Variants in NCAM2 observed in about 807,000 individuals in gnomAD.
The protein encoded by NCAM2 is neural cell adhesion molecule 2.
A neutral mutation model predicts 98.1 loss-of-function variants in NCAM2; 30 were observed. The ratio of observed to expected loss-of-function variants is 0.31; its 90% CI spans 0.23 to 0.41. NCAM2 has a LOEUF of 0.41. Among genes scored for constraint, NCAM2 ranks in the 10% least tolerant of loss-of-function variants. The pLI is 1.00. For synonymous variants in NCAM2, 368 were observed against 342.4 expected (o/e 1.07, Z -0.83); for missense variants, 867 against 1,005.8 (o/e 0.86, Z 1.87).
intron 1 of NCAM2, among the ~76,000 whole-genome samples, chr21:21,064,839 C>T (rs1001300548): frequency 3.9e-5 from 6 of 152,062 alleles, no homozygotes; most frequent in Admixed American, 2.6e-4. Context: ...ACTTGATCAA[C>T]GGGCAACATG....
At chr21:21,382,057 A>G (rs975489399) in intron 9 of NCAM2, among the ~76,000 whole-genome samples, 28 of 152,170 alleles carry the variant, frequency 1.8e-4, no homozygotes, top group African/African-American at 6.5e-4. Context: ...AGAAAGCCAT[A>G]TAAATTGACC....
chr21:21,093,757 C>T (rs1415751238), intron 1 of NCAM2, among the ~76,000 whole-genome samples: 1 of 151,932 alleles, frequency 6.6e-6, no homozygotes, highest in Non-Finnish European at 1.5e-5. Flanking sequence ...TCTGCAGTGC[C>T]TCATTTCTGC....
intron 15 of NCAM2, among the ~76,000 whole-genome samples, chr21:21,503,480 G>C (rs199726245): frequency 6.6e-6 from 1 of 151,908 alleles, no homozygotes; most frequent in South Asian, 2.1e-4. Context: ...TCACAACAGA[G>C]AGGAATAGCA....
intron 1 of NCAM2, among the ~76,000 whole-genome samples, chr21:21,101,700 C>T (rs1391347039): frequency 6.6e-6 from 1 of 151,996 alleles, no homozygotes. Flanking sequence ...AGGTCACAGT[C>T]ATGTGTTCTT....
intron 16 of NCAM2, among the ~76,000 whole-genome samples, chr21:21,533,442 A>G (rs1989819634): frequency 6.6e-6 from 1 of 151,860 alleles, no homozygotes; most frequent in South Asian, 2.1e-4. Context: ...ATATATTTTC[A>G]TGGTAGTTAG....
intron 1 of NCAM2, among the ~76,000 whole-genome samples, chr21:21,206,053 T>C (rs1363230379): frequency 1.3e-5 from 2 of 152,176 alleles, no homozygotes; most frequent in Non-Finnish European, 2.9e-5. Flanking sequence ...GCAGTACTCT[T>C]AGCAACTTAT....
chr21:21,535,878 G>A (rs973160795), intron 17 of NCAM2, among the ~76,000 whole-genome samples: 12 of 151,986 alleles, frequency 7.9e-5, no homozygotes, highest in South Asian at 2.1e-4. Context: ...TTACCTATAC[G>A]TAAGTGGTGA....
chr21:21,413,113 T>C (rs1382841589), intron 10 of NCAM2, among the ~76,000 whole-genome samples: 1 of 152,188 alleles, frequency 6.6e-6, no homozygotes, highest in Non-Finnish European at 1.5e-5. Context: ...AATGCCTCTG[T>C]AATCTGTAAA....
At chr21:21,072,856 G>A (rs2065600954) in intron 1 of NCAM2, among the ~76,000 whole-genome samples, 1 of 152,028 alleles carries the variant, frequency 6.6e-6, no homozygotes, top group Non-Finnish European at 1.5e-5. Flanking sequence ...TAGGCATTTT[G>A]AAGTGTGTAG....
chr21:21,409,644 C>T (rs2076816384), intron 9 of NCAM2, among the ~76,000 whole-genome samples: 1 of 152,144 alleles, frequency 6.6e-6, no homozygotes, highest in African/African-American at 2.4e-5. Flanking sequence ...AGTAGATAGT[C>T]ATTAACATAG....
intron 16 of NCAM2, among the ~76,000 whole-genome samples, chr21:21,530,365 T>C (rs1423659142): frequency 6.8e-6 from 1 of 146,092 alleles, no homozygotes; most frequent in Admixed American, 6.9e-5. Context: ...ATAATTTGAT[T>C]ACATTAAATT....
intron 11 of NCAM2, among the ~76,000 whole-genome samples, chr21:21,425,976 A>G (rs533501312): frequency 8.8e-4 from 134 of 152,274 alleles, no homozygotes; most frequent in Non-Finnish European, 1.2e-3. Flanking sequence ...AGGCACCATC[A>G]GATTTGGTTT....
At chr21:21,190,804 A>G (rs2068796254) in intron 1 of NCAM2, among the ~76,000 whole-genome samples, 1 of 152,204 alleles carries the variant, frequency 6.6e-6, no homozygotes, top group African/African-American at 2.4e-5. Flanking sequence ...GAGTCTAAGA[A>G]TAGCATGTAC....
At chr21:21,322,353 A>G in intron 5 of NCAM2, among the ~76,000 whole-genome samples, 1 of 152,080 alleles carries the variant, frequency 6.6e-6, no homozygotes, top group East Asian at 1.9e-4. Flanking sequence ...ATTGGGTATC[A>G]TGCTAACTAT....
chr21:21,487,579 G>T (rs1346541059), intron 15 of NCAM2, among the ~76,000 whole-genome samples: 45 of 152,034 alleles, frequency 3.0e-4, no homozygotes, highest in Admixed American at 3.0e-3. Context: ...CGTATTACCA[G>T]TTATGAAGCT....
intron 1 of NCAM2, among the ~76,000 whole-genome samples, chr21:21,248,082 T>G (rs1372626025): frequency 2.0e-5 from 3 of 151,710 alleles, no homozygotes; most frequent in African/African-American, 7.3e-5. Context: ...ACAATAATAT[T>G]ATATAAGTAT....
chr21:21,047,526 A>G (rs2065026627), intron 1 of NCAM2, among the ~76,000 whole-genome samples: 1 of 152,218 alleles, frequency 6.6e-6, no homozygotes, highest in African/African-American at 2.4e-5. Context: ...ATGAGACTTA[A>G]GGAAAGATGT....
At chr21:21,387,667 T>C in intron 9 of NCAM2, among the ~76,000 whole-genome samples, 1 of 152,192 alleles carries the variant, frequency 6.6e-6, no homozygotes, top group East Asian at 1.9e-4. Flanking sequence ...AAGAGACATA[T>C]CTATGAATTA....
chr21:21,358,444 ATTACT>A (rs1237037839), intron 8 of NCAM2, among the ~76,000 whole-genome samples: 2 of 142,314 alleles, frequency 1.4e-5, no homozygotes, highest in East Asian at 3.9e-4. Flanking sequence ...TGTCTTTGAA[ATTACT>A]TTATTTATTC....
Sources: allele counts gnomAD v4.1 joint callset (sites outside exome capture counted in the v4.1 genomes callset), GRCh38; gene constraint gnomAD v4.1.1; transcripts MANE v1.5; gene names NCBI Gene and HGNC (gene_info 2026-07-23, HGNC 2026-07-21).